HERC1: variants seen among roughly 807,000 people sequenced by gnomAD.
HERC1 encodes HECT and RLD domain containing E3 ubiquitin protein ligase family member 1.
In HERC1, 160 loss-of-function variants were observed where a neutral mutation model predicts 554.3. That is an observed-to-expected ratio of 0.29 (90% CI 0.25 to 0.33). The LOEUF (loss-of-function observed/expected upper bound fraction) is 0.33, where lower values mean the gene tolerates loss of function less well. HERC1 is among the 10% of genes least tolerant of loss of function. The pLI, the probability that HERC1 is intolerant of heterozygous loss-of-function variation, is 1.00. For synonymous variants in HERC1, 2,175 were observed against 2,131.7 expected, an observed-to-expected ratio of 1.02 and a Z score of -0.56; for missense variants, 4,919 against 5,918.5, an observed-to-expected ratio of 0.83 and a Z score of 5.54.
At position 63,716,202 on chromosome 15, in the gene HERC1, G is replaced by A. The variant is rs1282583818; in HGVS notation, c.4150+100C>T. The A allele has an allele frequency of 3.5e-6, 4 of 1,140,546 alleles. No homozygotes were observed. In the East Asian group the frequency reaches 9.6e-5, roughly 27 times the overall value. The allele number at this position is 1,140,546 out of a possible 1,614,324, so 70.7% of individuals were successfully genotyped here. On this transcript the variant is annotated intron_variant, in intron 22 of 77. Transcript: ENST00000443617. Reference sequence around the variant, plus strand: ...ACCAGCAGAATATAAAGTCCTTTTAGAAAAACTATGGAGAAACTTTGCCTT... The same window carrying A: ...ACCAGCAGAATATAAAGTCCTTTTAAAAAAACTATGGAGAAACTTTGCCTT...
chr15:63,793,269 G>T (rs978670860), intron 1 of HERC1, among the ~76,000 whole-genome samples: 5 of 152,154 alleles, frequency 3.3e-5, no homozygotes, highest in Admixed American at 3.3e-4. Context: ...GACACAGGTC[G>T]TAAAGACCAC....
At chr15:63,824,839 C>T (rs763373285) in intron 1 of HERC1, among the ~76,000 whole-genome samples, 6 of 138,696 alleles carry the variant, frequency 4.3e-5, no homozygotes, top group Admixed American at 7.6e-5. Context: ...ACAAGTCAGA[C>T]GTAGGAAAAA....
At chr15:63,829,593 AT>A (rs1464973669) in intron 1 of HERC1, among the ~76,000 whole-genome samples, 28 of 136,304 alleles carry the variant, frequency 2.1e-4, no homozygotes, top group African/African-American at 6.1e-4. Context: ...ATATATATAT[AT>A]AATATACTGA....
chr15:63,637,395 A>T lies in HERC1; in HGVS notation c.12232+110T>A, dbSNP rs1595869521. ...AAATAAGGATTTAAATGTAAGTGAA[A>T]ACCTGATATGATTTTATCTAGCAAA... On this transcript the variant is annotated intron_variant, in intron 64 of 77. Coordinates refer to ENST00000443617, the MANE Select transcript of HERC1 (RefSeq NM_003922.4). The T allele has an allele frequency of 1.7e-5, 15 of 894,874 alleles. No homozygotes were observed. The South Asian group carries it at 2.1e-4, about 13-fold the overall frequency. The allele number at this position is 894,874 out of a possible 1,614,324, so 55.4% of individuals were successfully genotyped here.
chr15:63,662,542 T>C (rs963316089), intron 44 of HERC1, among the ~76,000 whole-genome samples: 3 of 152,126 alleles, frequency 2.0e-5, no homozygotes, highest in African/African-American at 7.2e-5. Context: ...TAAATGGAGG[T>C]ATTTACAAGA....
At position 63,713,526 on chromosome 15, in the gene HERC1, G is replaced by C; in HGVS notation, c.4290C>G (p.Asp1430Glu). The C allele has an allele frequency of 5.0e-6, 8 of 1,613,982 alleles. No individual in the cohort carries two copies. Among genetic ancestry groups the C allele is most frequent in the Non-Finnish European group, 6.8e-6 (8 of 1,179,876 alleles). The stretch of plus-strand genomic sequence containing the variant: ...TGTACACATCCTGACCCTCAGGAAG[G>C]TCTGTGCTGACCCTTCGCTCTTGCT... ...QSQQERRVSTDLPEGQDVYTA... is the reference protein window; with the variant it reads ...QSQQERRVSTELPEGQDVYTA... The change falls in exon 23 of 78, where the codon GAC becomes GAG. Residue 1430 changes from aspartate (D) to glutamate (E), a missense_variant. Around this residue, in one of 11 missense-constraint regions of HERC1, gnomAD observed 1,121 missense variants for 1,244.0 expected, o/e 0.90. Transcript: ENST00000443617.
At chr15:63,645,200 T>C (rs2069271846) in intron 56 of HERC1, 103 bp from the exon 57 acceptor site, 3 of 874,042 alleles carry the variant, frequency 3.4e-6, no homozygotes, top group Non-Finnish European at 5.6e-6. Flanking sequence ...CACTGCATTA[T>C]TTTTTAAACT....
intron 7 of HERC1, 48 bp from the exon 8 acceptor site, chr15:63,753,133 T>C (rs1256862933): frequency 7.0e-7 from 1 of 1,436,126 alleles, no homozygotes; most frequent in Non-Finnish European, 9.4e-7. Context: ...AAAGAACCTC[T>C]ACTCTTTTTA....
At chr15:63,741,426 G>A (rs912778340) in intron 12 of HERC1, among the ~76,000 whole-genome samples, 1 of 151,740 alleles carries the variant, frequency 6.6e-6, no homozygotes, top group Non-Finnish European at 1.5e-5. Flanking sequence ...CTGGGTTCAA[G>A]CAATTCTCCT....
chr15:63,653,958 T>C (rs977824714), intron 51 of HERC1, among the ~76,000 whole-genome samples, 161 bp downstream of exon 51: 1 of 152,194 alleles, frequency 6.6e-6, no homozygotes, highest in Admixed American at 6.5e-5. Flanking sequence ...GTAGAGTTGG[T>C]AACTGCCAGG....
Position 63,729,491 on chromosome 15 carries a change from G to A in HERC1, c.3021+6C>T, listed in dbSNP as rs368315540. 3.2e-5 allele frequency: 52 copies of A among 1,611,406 alleles called. No individual in the cohort carries two copies. The highest frequency in any genetic ancestry group is 1.3e-4 in the African/African-American group (10 of 74,828). On this transcript the variant is annotated splice_donor_region_variant and intron_variant, in intron 15 of 77. Coordinates refer to ENST00000443617, the MANE Select transcript of HERC1 (RefSeq NM_003922.4). ...AGATCACCATAAAAGACAAATAATCGCATACCTCACTAATGTTATTGATAT... is the reference window on the plus strand; with the variant it reads ...AGATCACCATAAAAGACAAATAATCACATACCTCACTAATGTTATTGATAT...
rs1224371437 is a variant in HERC1 at position 63,643,555 on chromosome 15, AATTC to A, written c.11185-9_11185-6del. ...TGATGATTTCCTATATCCATCCTGA[AATTC>A]ATTATTTTTAACATGCATTAAAATA... is the stretch of plus-strand genomic sequence containing the variant. On this transcript the variant is annotated splice_polypyrimidine_tract_variant and splice_region_variant and intron_variant, in intron 57 of 77. Coordinates refer to ENST00000443617, the MANE Select transcript of HERC1 (RefSeq NM_003922.4). 6.4e-7 allele frequency: 1 copy of A among 1,562,268 alleles called. No individual in the cohort carries two copies. Among genetic ancestry groups the A allele is most frequent in the Non-Finnish European group, 8.7e-7 (1 of 1,152,554 alleles).
At position 63,626,107 on chromosome 15, in the gene HERC1, G is replaced by C. The variant is rs746280736; in HGVS notation, c.13153C>G (p.Gln4385Glu). ...CTGACTTCTCTCAGCGCCCCATACTGGGGGGGCACTGTGTCAGGCAGGCCC... is the reference window on the plus strand; with the variant it reads ...CTGACTTCTCTCAGCGCCCCATACTCGGGGGGCACTGTGTCAGGCAGGCCC... ...QLGLPDTVPP[Q>E]YGALREVSIH... is the part of the protein sequence containing the mutation. The change falls in exon 71 of 78, where the codon CAG becomes GAG. Residue 4385 changes from glutamine (Q) to glutamate (E), a missense_variant. Physicochemically the swap from Gln to Glu is conservative, Grantham distance 29. Coordinates refer to ENST00000443617, the MANE Select transcript of HERC1 (RefSeq NM_003922.4). The C allele has an allele frequency of 6.2e-6, 10 of 1,613,006 alleles. No homozygotes were observed. Among genetic ancestry groups the C allele is most frequent in the East Asian group, 2.2e-5 (1 of 44,868 alleles).
intron 25 of HERC1, among the ~76,000 whole-genome samples, chr15:63,700,566 T>G: frequency 6.6e-6 from 1 of 152,206 alleles, no homozygotes; most frequent in Admixed American, 6.5e-5. Flanking sequence ...ATAATTTATA[T>G]GTATCCTAGT....
chr15:63,722,897 C>T (rs1038816028), intron 19 of HERC1, among the ~76,000 whole-genome samples: 3 of 151,898 alleles, frequency 2.0e-5, no homozygotes, highest in African/African-American at 2.4e-5. Flanking sequence ...ACATCACCCG[C>T]GGATATGGGG....
intron 46 of HERC1, among the ~76,000 whole-genome samples, chr15:63,660,705 T>C (rs771324744): frequency 6.6e-6 from 1 of 152,086 alleles, no homozygotes; most frequent in Non-Finnish European, 1.5e-5. Flanking sequence ...ATATACCACA[T>C]CCTTTCCCTA....
rs949803017 is a variant in HERC1, at chr15:63,833,838, G to A, written c.-38C>T. On this transcript the variant is annotated 5_prime_UTR_variant, in exon 1 of 78. Transcript: ENST00000443617. Reference sequence around the variant, plus strand: ...ATGCGTTACCGTACGTGGCTCTGGAGCTGGCGGGGTGGGGCGCGGCTCCGG... The same window carrying A: ...ATGCGTTACCGTACGTGGCTCTGGAACTGGCGGGGTGGGGCGCGGCTCCGG... 2 of 153,014 alleles carry A rather than the reference G, an allele frequency of 1.3e-5. No individual in the cohort carries two copies. Among genetic ancestry groups the A allele is most frequent in the Non-Finnish European group, 2.9e-5 (2 of 68,558 alleles). The allele number at this position is 153,014 out of a possible 1,614,324, so 9.5% of individuals were successfully genotyped here. A position where few individuals can be genotyped will look rare whatever the true frequency, so the allele number is the denominator to read the frequency against.
At chr15:63,618,872 C>T (rs2067941876) in intron 74 of HERC1, among the ~76,000 whole-genome samples, 3 of 152,160 alleles carry the variant, frequency 2.0e-5, no homozygotes, top group Admixed American at 6.5e-5. Flanking sequence ...CTGAAGTTGC[C>T]TATCAGCTTA....
chr15:63,759,814 G>C (rs2075548841), intron 3 of HERC1, among the ~76,000 whole-genome samples: 1 of 152,184 alleles, frequency 6.6e-6, no homozygotes, highest in South Asian at 2.1e-4. Context: ...AAATGGGAGA[G>C]GATAGGGTCA....
Sources: gnomAD v4.1 joint callset for allele counts (sites outside exome capture counted in the v4.1 genomes callset) on GRCh38, gnomAD v4.1.1 for gene constraint, gnomAD v4.1.1 regional missense constraint, MANE v1.5 for transcripts, NCBI Gene and HGNC (gene_info 2026-07-23, HGNC 2026-07-21) for gene names.